GALNT17: variants seen among roughly 807,000 people sequenced by gnomAD.
GALNT17 encodes UDP-GalNAc:polypeptide N-acetylgalactosaminyltransferase-like 3.
Under a neutral mutation model 63.7 loss-of-function variants are expected in GALNT17, and 29 were observed. The ratio of observed to expected loss-of-function variants is 0.46; its 90% CI spans 0.34 to 0.62. The LOEUF (loss-of-function observed/expected upper bound fraction) is 0.62, where lower values mean the gene tolerates loss of function less well. GALNT17 is among the 20% of genes least tolerant of loss of function. GALNT17 has a pLI of 0.01. For missense variants in GALNT17, 603 were observed against 799.6 expected (o/e 0.75, Z 2.97); for synonymous variants, 305 against 318.3 (o/e 0.96, Z 0.45).
chr7:71,226,733 G>T (rs1290158576), intron 1 of GALNT17, among the ~76,000 whole-genome samples: 1 of 152,062 alleles, frequency 6.6e-6, no homozygotes, highest in Non-Finnish European at 1.5e-5. Flanking sequence ...ACCCTCCTCG[G>T]CCTCCCAAAG....
chr7:71,502,225 T>C (rs1050858389), intron 5 of GALNT17, among the ~76,000 whole-genome samples: 1 of 152,232 alleles, frequency 6.6e-6, no homozygotes, highest in Non-Finnish European at 1.5e-5. Context: ...TCACCACCCA[T>C]TGATTTTTGC....
Position 71,150,127 on chromosome 7 carries a change from A to G in GALNT17, c.238+17087A>G, listed in dbSNP as rs527329787. On this transcript the variant is annotated intron_variant, in intron 1 of 10. Transcript: ENST00000333538. ...CAGGGCACCCTTCTCATTCCTGTTC[A>G]CCATCCTGATCTGTGCCACAGACCT... is the stretch of plus-strand genomic sequence containing the variant. Among the ~76,000 whole-genome samples, 198 of 152,202 alleles carry G rather than the reference A, an allele frequency of 1.3e-3. 1 individual carries two copies. The highest frequency in any genetic ancestry group is 4.5e-3 in the African/African-American group (188 of 41,532).
chr7:71,482,401 C>T (rs576720520), intron 5 of GALNT17, among the ~76,000 whole-genome samples: 5 of 152,266 alleles, frequency 3.3e-5, no homozygotes, highest in African/African-American at 7.2e-5. Flanking sequence ...CTGCCTGCCT[C>T]GGCCTCACAA....
chr7:71,171,513 C>G (rs1388216816), intron 1 of GALNT17, among the ~76,000 whole-genome samples: 1 of 152,072 alleles, frequency 6.6e-6, no homozygotes, highest in Non-Finnish European at 1.5e-5. Flanking sequence ...AAAACCAAAA[C>G]AAAACAAAAG....
intron 1 of GALNT17, among the ~76,000 whole-genome samples, chr7:71,199,353 A>G (rs1789118560): frequency 6.6e-6 from 1 of 152,154 alleles, no homozygotes. Context: ...ACCCATTGGC[A>G]TATGTAAGTG....
At chr7:71,651,748 G>T (rs1296662951) in intron 6 of GALNT17, among the ~76,000 whole-genome samples, 1 of 152,082 alleles carries the variant, frequency 6.6e-6, no homozygotes, top group Non-Finnish European at 1.5e-5. Context: ...TTGTTACTCT[G>T]TTGCCCAGGC....
chr7:71,350,341 G>C (rs1397616273), intron 2 of GALNT17, among the ~76,000 whole-genome samples: 1 of 152,058 alleles, frequency 6.6e-6, no homozygotes, highest in Non-Finnish European at 1.5e-5. Context: ...GAGGTTATAA[G>C]GGGGAGACAG....
chr7:71,340,684 A>T (rs1020333417), intron 2 of GALNT17, among the ~76,000 whole-genome samples: 6 of 152,138 alleles, frequency 3.9e-5, no homozygotes, highest in Admixed American at 3.9e-4. Flanking sequence ...ATGACTTAGG[A>T]GATCATAGAA....
chr7:71,362,490 G>T (rs1792421709), intron 2 of GALNT17, among the ~76,000 whole-genome samples: 1 of 152,168 alleles, frequency 6.6e-6, no homozygotes, highest in African/African-American at 2.4e-5. Flanking sequence ...GATTAAAGCT[G>T]GTGATTTGCA....
chr7:71,276,590 T>G (rs1790686061), intron 1 of GALNT17, among the ~76,000 whole-genome samples: 2 of 152,196 alleles, frequency 1.3e-5, no homozygotes, highest in South Asian at 4.1e-4. Flanking sequence ...GCACATGTCC[T>G]CTTGCCTACC....
intron 5 of GALNT17, among the ~76,000 whole-genome samples, chr7:71,434,096 C>A (rs1267110613): frequency 6.6e-6 from 1 of 152,142 alleles, no homozygotes; most frequent in East Asian, 1.9e-4. Flanking sequence ...GCCAGGGGCT[C>A]TTGGACCTTC....
intron 1 of GALNT17, among the ~76,000 whole-genome samples, chr7:71,214,240 C>T (rs1339659937): frequency 6.6e-6 from 1 of 152,230 alleles, no homozygotes; most frequent in African/African-American, 2.4e-5. Context: ...GCTGGACGCA[C>T]TTAGGTCCTT....
At chr7:71,418,995 C>T (rs914685824) in intron 4 of GALNT17, among the ~76,000 whole-genome samples, 1 of 152,090 alleles carries the variant, frequency 6.6e-6, no homozygotes. Context: ...GCAGGAGAAT[C>T]GCTTGAACCT....
Position 71,335,728 on chromosome 7 carries a change from C to T in GALNT17, c.417C>T (p.Pro139=), listed in dbSNP as rs771842929. 6.2e-7 allele frequency: 1 copy of T among 1,601,222 alleles called. No homozygotes were observed. ...ACCGTTCCATTCCGGATTATCGTCC[C>T]ACCAAGTAAGTTCTGGTTCAGTCAT... ...SLDRSIPDYR[P]TKCKELKYSK... is the part of the protein sequence containing the mutation. Residue 139 remains proline, a synonymous_variant, in exon 2 of 11, where the codon CCC becomes CCT. Coordinates refer to ENST00000333538, the MANE Select transcript of GALNT17 (RefSeq NM_022479.3).
intron 1 of GALNT17, among the ~76,000 whole-genome samples, chr7:71,151,826 T>C (rs1788141298): frequency 1.3e-5 from 2 of 152,136 alleles, no homozygotes; most frequent in Admixed American, 6.6e-5. Flanking sequence ...TTACAGTTTC[T>C]GCTGAAAGGA....
chr7:71,397,941 T>G (rs76220236), intron 3 of GALNT17, among the ~76,000 whole-genome samples: 46 of 150,804 alleles, frequency 3.1e-4, no homozygotes, highest in Admixed American at 7.9e-4. Flanking sequence ...CATTATTGTC[T>G]TTGTTGTTGT....
intron 2 of GALNT17, among the ~76,000 whole-genome samples, chr7:71,371,752 G>A (rs1792627152): frequency 6.6e-6 from 1 of 152,044 alleles, no homozygotes; most frequent in South Asian, 2.1e-4. Context: ...ATCTGCAGTT[G>A]GTTTTGAATT....
intron 6 of GALNT17, among the ~76,000 whole-genome samples, chr7:71,659,673 C>G (rs934732315): frequency 6.6e-6 from 1 of 152,216 alleles, no homozygotes; most frequent in Non-Finnish European, 1.5e-5. Flanking sequence ...AGCCCAGATT[C>G]AAGGAGAGGG....
chr7:71,633,141 A>G (rs1014108401), intron 6 of GALNT17, among the ~76,000 whole-genome samples: 1 of 147,578 alleles, frequency 6.8e-6, no homozygotes, highest in East Asian at 2.0e-4. Flanking sequence ...TTGATTATTG[A>G]TTATTTAGTT....
Sources: allele counts gnomAD v4.1 joint callset (sites outside exome capture counted in the v4.1 genomes callset), GRCh38; gene constraint gnomAD v4.1.1; transcripts MANE v1.5; gene names NCBI Gene and HGNC (gene_info 2026-07-23, HGNC 2026-07-21).